Variants in RPTOR observed in about 807,000 individuals in gnomAD.
The protein encoded by RPTOR is regulatory associated protein of MTOR complex 1, also known as regulatory-associated protein of mTOR.
Under a neutral mutation model 169.9 loss-of-function variants are expected in RPTOR, and 21 were observed. The observed-to-expected ratio is 0.12, with a 90% CI of 0.09 to 0.18. The LOEUF (loss-of-function observed/expected upper bound fraction) is 0.18. Among genes scored for constraint, RPTOR ranks in the 10% least tolerant of loss-of-function variants. The pLI is 1.00. For synonymous variants in RPTOR, 732 were observed against 753.2 expected (o/e 0.97, Z 0.46); for missense variants, 1,133 against 1,855.9 (o/e 0.61, Z 7.16).
intron 7 of RPTOR, chr17:80,805,549 A>T (rs146673048): frequency 9.3e-4 from 142 of 152,294 alleles, no homozygotes; most frequent in African/African-American, 3.3e-3. Context: ...GCTGCCTCTC[A>T]GGAAAGGTCT....
At chr17:80,949,081 G>A (rs143480941) in intron 27 of RPTOR, among the ~76,000 whole-genome samples, 40 of 152,202 alleles carry the variant, frequency 2.6e-4, no homozygotes, top group African/African-American at 9.4e-4. Flanking sequence ...CCACCCAACC[G>A]AGCTTCACCC....
At chr17:80,901,106 G>GA (rs1567977138) in intron 20 of RPTOR, among the ~76,000 whole-genome samples, 1 of 152,218 alleles carries the variant, frequency 6.6e-6, no homozygotes, top group Non-Finnish European at 1.5e-5. Flanking sequence ...AGGGACTGCG[G>GA]AGGCCCCGCC....
intron 5 of RPTOR, among the ~76,000 whole-genome samples, chr17:80,740,534 G>A (rs1038568211): frequency 1.3e-5 from 2 of 152,070 alleles, no homozygotes; most frequent in Non-Finnish European, 2.9e-5. Flanking sequence ...AACAATAATA[G>A]CAAATCAGTT....
intron 11 of RPTOR, among the ~76,000 whole-genome samples, chr17:80,847,851 A>G (rs2067749761): frequency 6.6e-6 from 1 of 152,238 alleles, no homozygotes; most frequent in Admixed American, 6.5e-5. Flanking sequence ...ACAGCACACC[A>G]ATCTTCACTA....
intron 21 of RPTOR, among the ~76,000 whole-genome samples, chr17:80,910,916 C>T (rs550400337): frequency 2.0e-5 from 3 of 151,962 alleles, no homozygotes; most frequent in East Asian, 1.9e-4. Flanking sequence ...CTGCAGCCTC[C>T]GCCTCCCAGG....
chr17:80,801,043 ACT>A (rs2067152001), intron 7 of RPTOR, among the ~76,000 whole-genome samples: 1 of 152,004 alleles, frequency 6.6e-6, no homozygotes, highest in African/African-American at 2.4e-5. Flanking sequence ...CTTGGGTTTG[ACT>A]CTGGCTCTGA....
At chr17:80,940,067 G>A (rs539421155) in intron 24 of RPTOR, among the ~76,000 whole-genome samples, 4 of 152,332 alleles carry the variant, frequency 2.6e-5, no homozygotes, top group African/African-American at 7.2e-5. Flanking sequence ...CTGGCCAGAC[G>A]AGAAGCCCAA....
At chr17:80,842,376 C>CCTCA (rs2067680840) in intron 10 of RPTOR, among the ~76,000 whole-genome samples, 1 of 152,008 alleles carries the variant, frequency 6.6e-6, no homozygotes, top group African/African-American at 2.4e-5. Flanking sequence ...AATTCTGTGC[C>CCTCA]TGAGGCCAAG....
chr17:80,748,580 G>C (rs1343031647), intron 5 of RPTOR, among the ~76,000 whole-genome samples: 1 of 97,836 alleles, frequency 1.0e-5, no homozygotes, highest in Non-Finnish European at 2.1e-5. Flanking sequence ...GTGTGTGTTT[G>C]GAGGCCGTGG....
intron 3 of RPTOR, among the ~76,000 whole-genome samples, chr17:80,674,800 AAAAAAAAAAAAAAAAAAAAAAAAAAC>A (rs1202251012): frequency 2.0e-3 from 101 of 49,310 alleles, no homozygotes; most frequent in African/African-American, 7.8e-3. Flanking sequence ...AAAAAAAAAA[AAAAAAAAAAAAAAAAAAAAAAAAAAC>A]AACTTCTCAA....
At chr17:80,809,363 T>C (rs1348897953) in intron 7 of RPTOR, among the ~76,000 whole-genome samples, 1 of 152,136 alleles carries the variant, frequency 6.6e-6, no homozygotes, top group Non-Finnish European at 1.5e-5. Flanking sequence ...AGCTGATTTT[T>C]TGTATTTTTA....
At chr17:80,838,868 G>T (rs2067595891) in intron 10 of RPTOR, among the ~76,000 whole-genome samples, 1 of 152,226 alleles carries the variant, frequency 6.6e-6, no homozygotes. Context: ...GATTATGGTG[G>T]TATCCAACCC....
intron 24 of RPTOR, among the ~76,000 whole-genome samples, chr17:80,930,446 CCTCAG>C: frequency 8.0e-5 from 6 of 75,314 alleles, no homozygotes; most frequent in Non-Finnish European, 1.5e-4. Flanking sequence ...CCCAGCTCAT[CCTCAG>C]CTCATCCCCA....
chr17:80,699,532 T>A (rs878858022), intron 3 of RPTOR, among the ~76,000 whole-genome samples: 10 of 107,248 alleles, frequency 9.3e-5, no homozygotes, highest in Admixed American at 1.8e-4. Flanking sequence ...GATGGGGAGC[T>A]AGAGGTGCTG....
chr17:80,878,425 C>T lies in RPTOR; in HGVS notation c.1510-1990C>T, dbSNP rs1177702260. ...GCAGTGGTGCGATCTCAGCTCACTA[C>T]AGCCTCCGCCTCCCAGGTTCCAGCG... On this transcript the variant is annotated intron_variant, in intron 13 of 33. Transcript: ENST00000306801. This position sits in a 1 kb window ranked among gnomAD's most constrained non-coding sequence, Gnocchi z 4.1. Among the ~76,000 whole-genome samples, 5 of 152,106 alleles carry T rather than the reference C, an allele frequency of 3.3e-5. No homozygotes were observed. Among genetic ancestry groups the T allele is most frequent in the Non-Finnish European group, 7.4e-5 (5 of 68,026 alleles).
intron 5 of RPTOR, among the ~76,000 whole-genome samples, chr17:80,751,980 A>T (rs147572782): frequency 6.6e-6 from 1 of 152,334 alleles, no homozygotes. Flanking sequence ...CAGCCGAATT[A>T]TAGGTATTTG....
At chr17:80,557,719 GT>G (rs1197057872) in intron 1 of RPTOR, among the ~76,000 whole-genome samples, 1 of 151,924 alleles carries the variant, frequency 6.6e-6, no homozygotes, top group Non-Finnish European at 1.5e-5. Context: ...GAGGTCAGGA[GT>G]TTGAGACCAG....
chr17:80,774,716 G>A (rs1319371605), intron 6 of RPTOR, among the ~76,000 whole-genome samples: 4 of 152,102 alleles, frequency 2.6e-5, no homozygotes, highest in Admixed American at 6.5e-5. Context: ...TAATGGGGGC[G>A]GCCCCTGGGA....
At chr17:80,650,969 C>T (rs565322491) in intron 3 of RPTOR, among the ~76,000 whole-genome samples, 1 of 152,334 alleles carries the variant, frequency 6.6e-6, no homozygotes, top group African/African-American at 2.4e-5. Context: ...GATATTATCT[C>T]TCATCATCAT....
Sources: gnomAD v4.1 joint callset for allele counts (sites outside exome capture counted in the v4.1 genomes callset) on GRCh38, gnomAD v4.1.1 for gene constraint, Gnocchi (gnomAD v3.1) non-coding constraint, MANE v1.5 for transcripts, NCBI Gene and HGNC (gene_info 2026-07-23, HGNC 2026-07-21) for gene names.